The following METAP2 variants were observed in gnomAD, a reference collection of about 807,000 sequenced individuals.
The protein encoded by METAP2 is methionyl aminopeptidase 2.
METAP2 carries 25 observed loss-of-function variants against 59.4 expected under a neutral mutation model. The ratio of observed to expected loss-of-function variants is 0.42; its 90% CI spans 0.31 to 0.59. The LOEUF is 0.59. Ranked by LOEUF, METAP2 falls within the 20% of genes least tolerant of loss-of-function variation. The pLI, the probability that METAP2 is intolerant of heterozygous loss-of-function variation, is 0.16. For missense variants in METAP2, 366 were observed against 581.2 expected, an observed-to-expected ratio of 0.63 and a Z score of 3.81; for synonymous variants, 214 against 194.1, an observed-to-expected ratio of 1.10 and a Z score of -0.85.
Position 95,489,362 on chromosome 12 carries a change from TTA to T in METAP2, c.428+3382_428+3383del, listed in dbSNP as rs1167346389. On this transcript the variant is annotated intron_variant, in intron 4 of 10. Coordinates refer to ENST00000323666, the MANE Select transcript of METAP2 (RefSeq NM_006838.4). ...GTTTTTGAAATAATAGAGGAAGATA[TTA>T]ATTACATGTTATAATACTTCTCAAA... 8.2e-4 allele frequency among the ~76,000 whole-genome samples: 125 copies of T among 152,360 alleles called. 1 individual carries two copies. The highest frequency in any genetic ancestry group is 3.4e-3 in the Middle Eastern group (1 of 294).
chr12:95,484,772 C>T, intron 3 of METAP2: 1 of 423,304 alleles, frequency 2.4e-6, no homozygotes, highest in Non-Finnish European at 4.6e-6. Context: ...CAGTCTGTTT[C>T]ATCTCAGAAC....
intron 4 of METAP2, 65 bp downstream of exon 4, chr12:95,486,046 T>A: frequency 2.6e-6 from 3 of 1,163,838 alleles, no homozygotes; most frequent in Non-Finnish European, 3.7e-6. Flanking sequence ...TAAAGCAGAT[T>A]TGACATTTCT....
chr12:95,497,117 G>A lies in METAP2; in HGVS notation c.867+1019G>A, dbSNP rs1234496009. ...TGGGATTACAGGCGTGATTCACCGCGCCTGGCCATTTTTAAGTATGTTGTT... is the reference window on the plus strand; with the variant it reads ...TGGGATTACAGGCGTGATTCACCGCACCTGGCCATTTTTAAGTATGTTGTT... On this transcript the variant is annotated intron_variant, in intron 7 of 10. Coordinates refer to ENST00000323666, the MANE Select transcript of METAP2 (RefSeq NM_006838.4). 2.0e-5 allele frequency among the ~76,000 whole-genome samples: 3 copies of A among 152,096 alleles called. No homozygotes were observed. In the South Asian group the frequency reaches 6.2e-4, roughly 32 times the overall value.
chr12:95,488,174 T>A (rs1233666004), intron 4 of METAP2, among the ~76,000 whole-genome samples: 2 of 152,024 alleles, frequency 1.3e-5, no homozygotes, highest in Admixed American at 6.6e-5. Flanking sequence ...AAGTTTTAAA[T>A]TTTTAAATGC....
intron 8 of METAP2, among the ~76,000 whole-genome samples, chr12:95,508,117 T>C (rs2076376196): frequency 6.6e-6 from 1 of 152,090 alleles, no homozygotes; most frequent in Admixed American, 6.6e-5. Flanking sequence ...TACTTACTGT[T>C]ATGTGAAATT....
intron 4 of METAP2, among the ~76,000 whole-genome samples, chr12:95,487,832 C>A (rs560016393): frequency 1.3e-5 from 2 of 152,226 alleles, no homozygotes; most frequent in South Asian, 4.1e-4. Context: ...TAGAATAGTT[C>A]TATTATTATC....
intron 2 of METAP2, among the ~76,000 whole-genome samples, chr12:95,477,152 G>A (rs2076126158): frequency 6.6e-6 from 1 of 151,932 alleles, no homozygotes; most frequent in African/African-American, 2.4e-5. Context: ...CGCACAGGCT[G>A]GAGTGCAGTG....
At chr12:95,513,393 A>AACACAC (rs144087570) in intron 10 of METAP2, among the ~76,000 whole-genome samples, 1 of 151,984 alleles carries the variant, frequency 6.6e-6, no homozygotes, top group Non-Finnish European at 1.5e-5. Context: ...TGGGGAATAT[A>AACACAC]ACACACACAC....
chr12:95,507,559 A>G (rs554156775), intron 8 of METAP2, among the ~76,000 whole-genome samples: 5 of 152,232 alleles, frequency 3.3e-5, no homozygotes, highest in African/African-American at 9.6e-5. Flanking sequence ...TCTGTCTTCT[A>G]TACAGTATTT....
chr12:95,480,404 G>C (rs2076150047), intron 2 of METAP2, among the ~76,000 whole-genome samples: 1 of 152,182 alleles, frequency 6.6e-6, no homozygotes, highest in Non-Finnish European at 1.5e-5. Context: ...TGGGTTGCCT[G>C]TCATATGGTA....
chr12:95,485,894 A>G lies in METAP2; in HGVS notation c.341A>G (p.Asp114Gly), dbSNP rs1041127577. 1 of 1,566,478 alleles carries G rather than the reference A, an allele frequency of 6.4e-7. No homozygotes were observed. ...TATCTCACAGCAAAAGTTCAAACAG[A>G]CCCTCCCTCAGTTCCAATATGTGAC... Reference protein sequence around the residue: ...KKKRGPKVQTDPPSVPICDLY... With the variant: ...KKKRGPKVQTGPPSVPICDLY... The change falls in exon 4 of 11, where the codon GAC (aspartate) becomes GGC (glycine). Residue 114 changes from aspartate (D) to glycine (G), a missense_variant. Transcript: ENST00000323666.
chr12:95,497,978 A>G (rs2076287396), intron 7 of METAP2, among the ~76,000 whole-genome samples: 1 of 151,704 alleles, frequency 6.6e-6, no homozygotes, highest in Non-Finnish European at 1.5e-5. Flanking sequence ...ATACCAAAAA[A>G]AAAAAATAGC....
At chr12:95,493,158 C>T (rs2076252020) in intron 4 of METAP2, among the ~76,000 whole-genome samples, 1 of 151,860 alleles carries the variant, frequency 6.6e-6, no homozygotes, top group Non-Finnish European at 1.5e-5. Flanking sequence ...CTACAGGAGT[C>T]ATGGATCTTA....
chr12:95,486,890 TG>T (rs1380443212), intron 4 of METAP2, among the ~76,000 whole-genome samples: 1 of 152,238 alleles, frequency 6.6e-6, no homozygotes, highest in East Asian at 1.9e-4. Context: ...CAAGGTGTTC[TG>T]TAAGGATACA....
chr12:95,501,819 C>CTT lies in METAP2; in HGVS notation c.868-2236_868-2235dup, dbSNP rs547631132. On this transcript the variant is annotated intron_variant, in intron 7 of 10. Coordinates refer to ENST00000323666, the MANE Select transcript of METAP2 (RefSeq NM_006838.4). ...AATAATACTAGTTGTTACAATTGGC[C>CTT]TTTTTTTTTTTACTTTATTGAGATT... 7.6e-5 allele frequency among the ~76,000 whole-genome samples: 11 copies of CTT among 144,632 alleles called. No individual in the cohort carries two copies. The South Asian group carries it at 8.7e-4, about 11-fold the overall frequency. 94.9% of individuals were successfully genotyped at this position (144,632 alleles called of 152,430 possible). A position where few individuals can be genotyped will look rare whatever the true frequency, so the allele number is the denominator to read the frequency against.
At chr12:95,482,896 T>C (rs978123023) in intron 2 of METAP2, among the ~76,000 whole-genome samples, 13 of 152,192 alleles carry the variant, frequency 8.5e-5, no homozygotes, top group African/African-American at 3.1e-4. Flanking sequence ...TACCTCCCAC[T>C]TTGCTAAACT....
chr12:95,485,844 A>T lies in METAP2; in HGVS notation c.326-35A>T. 1 of 1,338,814 alleles carries T rather than the reference A, an allele frequency of 7.5e-7. No individual in the cohort carries two copies. The highest frequency in any genetic ancestry group is 1.0e-6 in the Non-Finnish European group (1 of 982,516). The allele number at this position is 1,338,814 out of a possible 1,614,324, so 82.9% of individuals were successfully genotyped here. A position where few individuals can be genotyped will look rare whatever the true frequency, so the allele number is the denominator to read the frequency against. ...TAATAACTGCTTAATTTTATTTTTA[A>T]CTACAGAAGTTAATGCTTTATTTGT... On this transcript the variant is annotated intron_variant, in intron 3 of 10. Coordinates refer to ENST00000323666, the MANE Select transcript of METAP2 (RefSeq NM_006838.4).
chr12:95,480,521 A>T (rs2076150989), intron 2 of METAP2, among the ~76,000 whole-genome samples: 1 of 152,178 alleles, frequency 6.6e-6, no homozygotes, highest in Non-Finnish European at 1.5e-5. Context: ...GTATCCTTGT[A>T]AGGACTTGGT....
At chr12:95,486,018 A>G (rs199882893) in intron 4 of METAP2, 37 bp downstream of exon 4, 8 of 1,371,294 alleles carry the variant, frequency 5.8e-6, no homozygotes, top group Non-Finnish European at 8.2e-6. Context: ...TTAATTTCTG[A>G]CAGTTATAGC....
Sources: gnomAD v4.1 joint callset for allele counts (sites outside exome capture counted in the v4.1 genomes callset) on GRCh38, gnomAD v4.1.1 for gene constraint, MANE v1.5 for transcripts, NCBI Gene and HGNC (gene_info 2026-07-23, HGNC 2026-07-21) for gene names.